LRP1B: variants seen among roughly 807,000 people sequenced by gnomAD.
LRP1B encodes the protein LDL receptor related protein 1B, also known as low-density lipoprotein receptor-related protein 1B.
Under a neutral mutation model 556.6 loss-of-function variants are expected in LRP1B, and 217 were observed. That is an observed-to-expected ratio of 0.39 (90% CI 0.35 to 0.44). The LOEUF is 0.44. Ranked by LOEUF, LRP1B falls within the 20% of genes least tolerant of loss-of-function variation. LRP1B has a pLI of 1.00. For missense variants in LRP1B, 5,053 were observed against 5,620.8 expected, an observed-to-expected ratio of 0.90 and a Z score of 3.23; for synonymous variants, 2,047 against 1,865.8, an observed-to-expected ratio of 1.10 and a Z score of -2.50.
At chr2:140,715,001 C>G (rs2105458687) in intron 37 of LRP1B, among the ~76,000 whole-genome samples, 1 of 151,918 alleles carries the variant, frequency 6.6e-6, no homozygotes, top group East Asian at 1.9e-4. Flanking sequence ...TTTAACAAGA[C>G]AAAAATATAA....
At chr2:140,568,500 A>G (rs941810274) in intron 43 of LRP1B, among the ~76,000 whole-genome samples, 5 of 152,066 alleles carry the variant, frequency 3.3e-5, no homozygotes, top group Admixed American at 6.6e-5. Flanking sequence ...CCATTAAATG[A>G]ACAAATATTT....
chr2:141,011,419 C>A (rs943460548), intron 14 of LRP1B, among the ~76,000 whole-genome samples: 2 of 151,946 alleles, frequency 1.3e-5, no homozygotes, highest in African/African-American at 2.4e-5. Flanking sequence ...GTAAAAGATA[C>A]TAAAAATTTA....
intron 15 of LRP1B, among the ~76,000 whole-genome samples, chr2:140,997,374 CT>C (rs945048190): frequency 2.6e-4 from 39 of 150,416 alleles, no homozygotes; most frequent in Middle Eastern, 3.4e-3. Context: ...TGCTAATAAA[CT>C]TTTTTTTTTT....
chr2:141,351,639 T>G (rs1048143418), intron 3 of LRP1B, among the ~76,000 whole-genome samples: 1 of 152,038 alleles, frequency 6.6e-6, no homozygotes, highest in East Asian at 1.9e-4. Flanking sequence ...CAACAACCAC[T>G]ATCAATACAA....
chr2:141,824,526 G>A (rs950263840), intron 1 of LRP1B, among the ~76,000 whole-genome samples: 2 of 152,110 alleles, frequency 1.3e-5, no homozygotes, highest in African/African-American at 4.8e-5. Context: ...CACCGTGCCT[G>A]GCTAATTTTT....
chr2:141,993,253 G>A (rs1702395202), intron 1 of LRP1B, among the ~76,000 whole-genome samples: 2 of 152,088 alleles, frequency 1.3e-5, no homozygotes, highest in African/African-American at 4.8e-5. Flanking sequence ...TTGCTAAACT[G>A]CTAATTATAG....
chr2:141,976,520 C>G (rs765352641), intron 1 of LRP1B, among the ~76,000 whole-genome samples: 8 of 152,022 alleles, frequency 5.3e-5, no homozygotes, highest in African/African-American at 1.9e-4. Flanking sequence ...GGTCACAGCC[C>G]TATGAATCTT....
chr2:141,245,267 A>G (rs1191639092), intron 5 of LRP1B, among the ~76,000 whole-genome samples: 1 of 152,216 alleles, frequency 6.6e-6, no homozygotes, highest in Non-Finnish European at 1.5e-5. Context: ...CAGTAATTCA[A>G]AGAAGTAAAC....
At chr2:141,224,868 G>A (rs1294147482) in intron 6 of LRP1B, among the ~76,000 whole-genome samples, 1 of 151,958 alleles carries the variant, frequency 6.6e-6, no homozygotes, top group East Asian at 1.9e-4. Context: ...AATGAATGTT[G>A]GGCTTAATAC....
chr2:140,316,938 A>G (rs1054039272), intron 82 of LRP1B, among the ~76,000 whole-genome samples: 1 of 152,112 alleles, frequency 6.6e-6, no homozygotes, highest in African/African-American at 2.4e-5. Context: ...TGATATGTTC[A>G]TTTGTTAAAG....
At chr2:141,897,548 C>T (rs1234193271) in intron 1 of LRP1B, among the ~76,000 whole-genome samples, 3 of 152,156 alleles carry the variant, frequency 2.0e-5, no homozygotes, top group African/African-American at 7.2e-5. Context: ...TCCCTCCCTC[C>T]AGTGACAGCT....
intron 1 of LRP1B, among the ~76,000 whole-genome samples, chr2:141,886,220 A>G (rs1440471718): frequency 6.6e-6 from 1 of 152,176 alleles, no homozygotes; most frequent in Admixed American, 6.5e-5. Flanking sequence ...GTAAAGGTTA[A>G]GTGGGTAGGA....
intron 14 of LRP1B, 34 bp from the exon 15 acceptor site, chr2:141,005,491 C>A: frequency 6.2e-7 from 1 of 1,604,418 alleles, no homozygotes; most frequent in Non-Finnish European, 8.5e-7. Context: ...TGTCAGAGAA[C>A]TCTGATTCAC....
At chr2:141,029,380 A>C (rs1293128970) in intron 11 of LRP1B, among the ~76,000 whole-genome samples, 1 of 152,022 alleles carries the variant, frequency 6.6e-6, no homozygotes, top group Non-Finnish European at 1.5e-5. Flanking sequence ...GTGGGCCTTG[A>C]GTGTCCCTGT....
intron 32 of LRP1B, among the ~76,000 whole-genome samples, chr2:140,802,441 A>T (rs926300269): frequency 6.6e-6 from 1 of 152,192 alleles, no homozygotes; most frequent in African/African-American, 2.4e-5. Context: ...CATTTTCTAC[A>T]TGGGTTTAAG....
intron 51 of LRP1B, among the ~76,000 whole-genome samples, chr2:140,511,405 C>T (rs1305090854): frequency 6.6e-6 from 1 of 150,956 alleles, no homozygotes; most frequent in Non-Finnish European, 1.5e-5. Flanking sequence ...GGGTTCACGC[C>T]ATTCTCCCGC....
intron 62 of LRP1B, among the ~76,000 whole-genome samples, chr2:140,454,885 T>A (rs1028331928): frequency 2.0e-5 from 3 of 152,184 alleles, no homozygotes; most frequent in Non-Finnish European, 4.4e-5. Flanking sequence ...TTTGTTCTAT[T>A]TTTAGTTGGC....
At chr2:140,401,943 T>A (rs1684521790) in intron 66 of LRP1B, among the ~76,000 whole-genome samples, 1 of 152,166 alleles carries the variant, frequency 6.6e-6, no homozygotes, top group African/African-American at 2.4e-5. Flanking sequence ...TATCTGTAAC[T>A]AAGGAAGCTC....
intron 20 of LRP1B, among the ~76,000 whole-genome samples, chr2:140,935,639 T>G (rs1444872198): frequency 6.6e-6 from 1 of 152,034 alleles, no homozygotes; most frequent in Non-Finnish European, 1.5e-5. Flanking sequence ...ATGAAATACA[T>G]GAATATATAC....
Sources: gnomAD v4.1 joint callset for allele counts (sites outside exome capture counted in the v4.1 genomes callset) on GRCh38, gnomAD v4.1.1 for gene constraint, MANE v1.5 for transcripts, NCBI Gene and HGNC (gene_info 2026-07-23, HGNC 2026-07-21) for gene names.